The following ZRANB1 variants were observed in gnomAD, a reference collection of about 807,000 sequenced individuals.
ZRANB1 encodes ubiquitin thioesterase ZRANB1.
In ZRANB1, 16 loss-of-function variants were observed where a neutral mutation model predicts 80.5. The observed-to-expected ratio is 0.20, with a 90% CI of 0.13 to 0.30. ZRANB1 has a LOEUF of 0.30. Among genes scored for constraint, ZRANB1 ranks in the 10% least tolerant of loss-of-function variants. ZRANB1 has a pLI of 1.00. For synonymous variants in ZRANB1, 291 were observed against 293.1 expected, an observed-to-expected ratio of 0.99 and a Z score of 0.07; for missense variants, 576 against 862.6, an observed-to-expected ratio of 0.67 and a Z score of 4.16.
intron 1 of ZRANB1, among the ~76,000 whole-genome samples, chr10:124,954,765 T>C (rs1951675597): frequency 6.6e-6 from 1 of 150,888 alleles, no homozygotes; most frequent in Non-Finnish European, 1.5e-5. Flanking sequence ...ACTTAATACA[T>C]TGTTTTACAT....
intron 5 of ZRANB1, among the ~76,000 whole-genome samples, chr10:124,975,007 AG>A (rs1951863816): frequency 6.6e-6 from 1 of 152,212 alleles, no homozygotes; most frequent in Admixed American, 6.5e-5. Context: ...CATCTTTCCC[AG>A]GGTGGCTTTG....
Position 124,983,541 on chromosome 10 carries a change from T to C in ZRANB1, c.1761T>C (p.Ser587=), listed in dbSNP as rs764955297. Residue 587 remains serine (S), a synonymous_variant, in exon 8 of 9, where the codon TCT becomes TCC. Coordinates refer to ENST00000359653, the MANE Select transcript of ZRANB1 (RefSeq NM_017580.3). The surrounding 1 kb of genome is among the most constrained non-coding windows in gnomAD (Gnocchi z 6.2). The part of the protein sequence containing the change: ...IALGYTRGHF[S]ALVAMENDGY... ...TGGGTTATACGAGGGGCCACTTCTCTGCTTTGGTTGCCATGGAAAATGATG... is the reference window on the plus strand; with the variant it reads ...TGGGTTATACGAGGGGCCACTTCTCCGCTTTGGTTGCCATGGAAAATGATG... 3 of 1,614,198 alleles carry C rather than the reference T, an allele frequency of 1.9e-6. No homozygotes were observed. In the South Asian group the frequency reaches 3.3e-5, roughly 18 times the overall value.
chr10:124,932,343 G>A, the ZRANB1 span, among the ~76,000 whole-genome samples: 3 of 140,306 alleles, frequency 2.1e-5, no homozygotes, highest in South Asian at 6.8e-4. Flanking sequence ...AGGCTGGAGT[G>A]TAGTGGTGCG....
chr10:124,936,221 A>G, the ZRANB1 span, among the ~76,000 whole-genome samples: 1 of 152,186 alleles, frequency 6.6e-6, no homozygotes, highest in Admixed American at 6.5e-5. Flanking sequence ...ACTGTTGCAG[A>G]AGAGCCTCAG....
At chr10:124,950,853 C>T (rs1198139931) in intron 1 of ZRANB1, among the ~76,000 whole-genome samples, 3 of 152,150 alleles carry the variant, frequency 2.0e-5, no homozygotes, top group Admixed American at 6.5e-5. Flanking sequence ...TGGTGGTGTT[C>T]CCATGTGGTC....
upstream of ZRANB1, among the ~76,000 whole-genome samples, chr10:124,940,262 T>C (rs1227524259): frequency 1.3e-5 from 2 of 152,240 alleles, no homozygotes; most frequent in African/African-American, 4.8e-5. Flanking sequence ...TTGTCCATTG[T>C]TAAAATAAGT....
intron 1 of ZRANB1, among the ~76,000 whole-genome samples, chr10:124,946,835 T>A (rs1951589441): frequency 6.6e-6 from 1 of 152,236 alleles, no homozygotes; most frequent in Non-Finnish European, 1.5e-5. Flanking sequence ...TCAAAATTAA[T>A]CTTTACGTCC....
chr10:124,982,206 G>A (rs1951941342), intron 6 of ZRANB1, among the ~76,000 whole-genome samples: 3 of 152,200 alleles, frequency 2.0e-5, no homozygotes, highest in Admixed American at 2.0e-4. Context: ...TACCTATCCA[G>A]GTGAGCTCTG....
intron 1 of ZRANB1, among the ~76,000 whole-genome samples, chr10:124,961,288 G>T (rs1157759651): frequency 2.6e-5 from 4 of 152,200 alleles, no homozygotes; most frequent in Admixed American, 6.5e-5. Context: ...TTACAGGCGT[G>T]AGCCACTGAG....
intron 1 of ZRANB1, 74 bp downstream of exon 1, chr10:124,943,381 G>A: frequency 7.1e-7 from 1 of 1,414,694 alleles, no homozygotes. Flanking sequence ...AGAGCTGGGT[G>A]CGCTGACACA....
At chr10:124,978,498 C>T (rs1174540884) in intron 5 of ZRANB1, among the ~76,000 whole-genome samples, 1 of 152,222 alleles carries the variant, frequency 6.6e-6, no homozygotes, top group Non-Finnish European at 1.5e-5. Flanking sequence ...TTTTAGCTGA[C>T]TCAGGTTCTC....
chr10:124,922,285 T>C, the ZRANB1 span, among the ~76,000 whole-genome samples: 16,988 of 99,398 alleles, frequency 0.17, 1,308 homozygotes, highest in East Asian at 0.3. Context: ...ATGTAAAATA[T>C]ATATATATAT....
upstream of ZRANB1, among the ~76,000 whole-genome samples, chr10:124,937,260 C>T (rs188765082): frequency 2.7e-5 from 4 of 146,990 alleles, no homozygotes; most frequent in East Asian, 4.0e-4. Flanking sequence ...AGTCTCGGCT[C>T]GCTGCAACCT....
At chr10:124,962,266 AAACT>A (rs1951740202) in intron 1 of ZRANB1, 1 of 408,184 alleles carries the variant, frequency 2.4e-6, no homozygotes, top group Admixed American at 6.4e-5. Context: ...TTACCACTTA[AAACT>A]AACTTTTCTC....
chr10:124,939,086 A>C (rs915155728), upstream of ZRANB1, among the ~76,000 whole-genome samples: 1 of 152,076 alleles, frequency 6.6e-6, no homozygotes, highest in African/African-American at 2.4e-5. Flanking sequence ...CTGAGGCAGG[A>C]GATTCACTTG....
chr10:124,923,571 C>G, the ZRANB1 span, among the ~76,000 whole-genome samples: 1 of 151,616 alleles, frequency 6.6e-6, no homozygotes, highest in African/African-American at 2.4e-5. Context: ...CAGCCTGCCT[C>G]GGAAGAAAAG....
At position 124,984,758 on chromosome 10, in the gene ZRANB1, CA is replaced by C; in HGVS notation, c.1909-15del. On this transcript the variant is annotated splice_polypyrimidine_tract_variant and intron_variant, in intron 8 of 8. Transcript: ENST00000359653. ...TGTTGTATGATTTTCCCTTTGTCTT[CA>C]TATTCCTCCAAAAGCTAGGTAATGA... The C allele has an allele frequency of 6.2e-7, 1 of 1,610,302 alleles. No homozygotes were observed. The highest frequency in any genetic ancestry group is 1.7e-4 in the Middle Eastern group (1 of 5,972).
At chr10:124,980,781 T>A (rs76493174) in intron 5 of ZRANB1, among the ~76,000 whole-genome samples, 1 of 152,082 alleles carries the variant, frequency 6.6e-6, no homozygotes, top group Non-Finnish European at 1.5e-5. Context: ...ACTTTTTTTT[T>A]CCCCCCGCAA....
In ZRANB1 at chr10:124,974,181, A is replaced by G; in HGVS notation, c.1229-19A>G. ...GACATAGGTATGGAAATGAACATGT[A>G]TTTAAATCCATCGTACAGAATTAGA... On this transcript the variant is annotated intron_variant, in intron 4 of 8. Transcript: ENST00000359653. 1 of 1,612,520 alleles carries G rather than the reference A, an allele frequency of 6.2e-7. No homozygotes were observed. Among genetic ancestry groups the G allele is most frequent in the Non-Finnish European group, 8.5e-7 (1 of 1,178,444 alleles).
Sources: gnomAD v4.1 joint callset for allele counts (sites outside exome capture counted in the v4.1 genomes callset) on GRCh38, gnomAD v4.1.1 for gene constraint, Gnocchi (gnomAD v3.1) non-coding constraint, MANE v1.5 for transcripts, NCBI Gene and HGNC (gene_info 2026-07-23, HGNC 2026-07-21) for gene names.